OSBPL8: variants seen among roughly 807,000 people sequenced by gnomAD.
OSBPL8 encodes oxysterol-binding protein-related protein 8.
OSBPL8 carries 59 observed loss-of-function variants against 125.5 expected under a neutral mutation model. The ratio of observed to expected loss-of-function variants is 0.47; its 90% CI spans 0.38 to 0.58. The LOEUF is 0.58. Ranked by LOEUF, OSBPL8 falls within the 20% of genes least tolerant of loss-of-function variation. The probability of loss-of-function intolerance (pLI) is 0.00; values close to 1 mark genes in which losing one functional copy is unlikely to be tolerated. For missense variants in OSBPL8, 758 were observed against 1,047.8 expected, an observed-to-expected ratio of 0.72 and a Z score of 3.82; for synonymous variants, 330 against 338.9, an observed-to-expected ratio of 0.97 and a Z score of 0.29.
intron 5 of OSBPL8, among the ~76,000 whole-genome samples, chr12:76,403,189 T>C (rs1025309181): frequency 6.6e-6 from 1 of 152,316 alleles, no homozygotes; most frequent in African/African-American, 2.4e-5. Context: ...TACTCCTCCT[T>C]CAATAGGAAG....
chr12:76,365,268 T>G (rs939770620), intron 21 of OSBPL8, among the ~76,000 whole-genome samples: 1 of 152,206 alleles, frequency 6.6e-6, no homozygotes, highest in African/African-American at 2.4e-5. Flanking sequence ...TAACCTTTTC[T>G]ACCTGAGAAC....
intron 16 of OSBPL8, among the ~76,000 whole-genome samples, chr12:76,375,843 G>A (rs1272268291): frequency 6.6e-6 from 1 of 152,062 alleles, no homozygotes; most frequent in Non-Finnish European, 1.5e-5. Flanking sequence ...GGACCCACAT[G>A]TAGTGTTGCA....
At chr12:76,356,594 C>T in intron 23 of OSBPL8, 32 bp downstream of exon 23, 1 of 1,391,626 alleles carries the variant, frequency 7.2e-7, no homozygotes, top group East Asian at 2.3e-5. Context: ...TCCTTGGTCT[C>T]AAATGAATAG....
In OSBPL8 at chr12:76,353,300, T is replaced by C. The variant is rs1251067555; in HGVS notation, c.*2589A>G. ...TTTCACATGCCCTATTTATTGTTGT[T>C]GTTTTTTTTTTTTTTTTACATGTCC... On this transcript the variant is annotated 3_prime_UTR_variant, in exon 24 of 24. Transcript: ENST00000261183. 1 of 76,376 alleles carries C rather than the reference T, an allele frequency of 1.3e-5. No individual in the cohort carries two copies. The highest frequency in any genetic ancestry group is 2.7e-5 in the Non-Finnish European group (1 of 36,570). The allele number at this position is 76,376 out of a possible 1,614,324, so 4.7% of individuals were successfully genotyped here. A position where few individuals can be genotyped will look rare whatever the true frequency, so the allele number is the denominator to read the frequency against.
chr12:76,492,471 C>T (rs929520359), intron 1 of OSBPL8, among the ~76,000 whole-genome samples: 1 of 152,126 alleles, frequency 6.6e-6, no homozygotes, highest in Admixed American at 6.5e-5. Context: ...GGGTCTGTGG[C>T]CTGTTAGGAC....
At chr12:76,446,326 T>C (rs1280333078) in intron 4 of OSBPL8, among the ~76,000 whole-genome samples, 1 of 152,172 alleles carries the variant, frequency 6.6e-6, no homozygotes, top group Non-Finnish European at 1.5e-5. Context: ...AGCTAACAGA[T>C]AATCTTATTT....
intron 4 of OSBPL8, among the ~76,000 whole-genome samples, chr12:76,411,726 A>G (rs1954521940): frequency 2.0e-5 from 3 of 152,140 alleles, no homozygotes; most frequent in African/African-American, 7.2e-5. Flanking sequence ...AAAAAATGAA[A>G]CTTTCATAAA....
At chr12:76,514,613 C>T (rs375402586) in intron 1 of OSBPL8, among the ~76,000 whole-genome samples, 2 of 152,128 alleles carry the variant, frequency 1.3e-5, no homozygotes, top group East Asian at 3.9e-4. Context: ...CTTGGAAAAT[C>T]TGATGATTAT....
intron 5 of OSBPL8, among the ~76,000 whole-genome samples, chr12:76,407,125 T>C (rs968098626): frequency 6.6e-6 from 1 of 152,218 alleles, no homozygotes; most frequent in African/African-American, 2.4e-5. Flanking sequence ...ATAAATCTTG[T>C]TTTCCAAAAT....
At chr12:76,358,379 C>T (rs1002120517) in intron 22 of OSBPL8, among the ~76,000 whole-genome samples, 9 of 151,600 alleles carry the variant, frequency 5.9e-5, no homozygotes, top group Admixed American at 3.9e-4. Flanking sequence ...ACGGGGTTTC[C>T]CCATGTTAGC....
At chr12:76,527,333 T>C (rs1950208707) in intron 1 of OSBPL8, among the ~76,000 whole-genome samples, 1 of 152,176 alleles carries the variant, frequency 6.6e-6, no homozygotes, top group African/African-American at 2.4e-5. Flanking sequence ...TCTAAGGTTT[T>C]TCAACTTCAA....
rs533829433 is a variant in OSBPL8, at chr12:76,366,850, G to T, written c.2328+2364C>A. On this transcript the variant is annotated intron_variant, in intron 21 of 23. Coordinates refer to ENST00000261183, the MANE Select transcript of OSBPL8 (RefSeq NM_020841.5). ...CTCACTCTGTTGCCCAGGCTGGAGT[G>T]CAATGGTGTGATCTTGGCTCACTAC... 4.6e-5 allele frequency among the ~76,000 whole-genome samples: 7 copies of T among 152,256 alleles called. No individual in the cohort carries two copies. In the East Asian group the frequency reaches 1.3e-3, roughly 29 times the overall value.
intron 1 of OSBPL8, among the ~76,000 whole-genome samples, chr12:76,531,275 C>A (rs951413844): frequency 3.3e-5 from 5 of 152,136 alleles, no homozygotes; most frequent in African/African-American, 4.8e-5. Context: ...AAAACAAGCA[C>A]AAAGAAAAAC....
At chr12:76,527,476 G>T (rs913279704) in intron 1 of OSBPL8, among the ~76,000 whole-genome samples, 1 of 152,154 alleles carries the variant, frequency 6.6e-6, no homozygotes, top group African/African-American at 2.4e-5. Flanking sequence ...CCAATCTTTT[G>T]ATGGAAAGCC....
intron 1 of OSBPL8, among the ~76,000 whole-genome samples, chr12:76,552,467 A>C (rs1357476932): frequency 6.6e-6 from 1 of 151,202 alleles, no homozygotes; most frequent in Non-Finnish European, 1.5e-5. Context: ...TGTTGCAAGC[A>C]AGAGGGAGCA....
intron 21 of OSBPL8, among the ~76,000 whole-genome samples, chr12:76,360,809 C>T (rs1027438212): frequency 6.6e-6 from 1 of 152,218 alleles, no homozygotes; most frequent in Non-Finnish European, 1.5e-5. Flanking sequence ...AGAGCTGTAA[C>T]TTGGCCCCTT....
At chr12:76,422,431 G>A in intron 4 of OSBPL8, 1 of 426,346 alleles carries the variant, frequency 2.3e-6, no homozygotes, top group Admixed American at 2.7e-5. Context: ...AATGAAAGCG[G>A]CTTTAAAATG....
chr12:76,492,032 T>C (rs180841226), intron 1 of OSBPL8, among the ~76,000 whole-genome samples: 2 of 152,246 alleles, frequency 1.3e-5, no homozygotes, highest in African/African-American at 4.8e-5. Flanking sequence ...ATGGAGCCTA[T>C]ATTCTGGAAG....
At position 76,487,752 on chromosome 12, in the gene OSBPL8, T is replaced by A. The variant is rs939164533; in HGVS notation, c.-67-134A>T. On this transcript the variant is annotated intron_variant, in intron 1 of 23. Coordinates refer to ENST00000261183, the MANE Select transcript of OSBPL8 (RefSeq NM_020841.5). Reference sequence around the variant, plus strand: ...GGAAATTCAATAATTAAAAAAAAAATTGACATGGGCTTGAAGAATGGTAAA... The same window carrying A: ...GGAAATTCAATAATTAAAAAAAAAAATGACATGGGCTTGAAGAATGGTAAA... The A allele has an allele frequency of 6.8e-5, 27 of 399,206 alleles. No individual in the cohort carries two copies. The East Asian group carries it at 8.7e-4, about 13-fold the overall frequency. The allele number at this position is 399,206 out of a possible 1,614,324, so 24.7% of individuals were successfully genotyped here. A position where few individuals can be genotyped will look rare whatever the true frequency, so the allele number is the denominator to read the frequency against.
Sources: gnomAD v4.1 joint callset for allele counts (sites outside exome capture counted in the v4.1 genomes callset) on GRCh38, gnomAD v4.1.1 for gene constraint, MANE v1.5 for transcripts, NCBI Gene and HGNC (gene_info 2026-07-23, HGNC 2026-07-21) for gene names.